Variants in CNDP2 observed in about 807,000 individuals in gnomAD.
CNDP2 encodes the protein carnosine dipeptidase 2.
A neutral mutation model predicts 55.0 loss-of-function variants in CNDP2; 38 were observed. The observed-to-expected ratio is 0.69, with a 90% CI of 0.53 to 0.90. The LOEUF (loss-of-function observed/expected upper bound fraction) is 0.90, where lower values mean the gene tolerates loss of function less well. CNDP2 is among the 40% of genes least tolerant of loss of function. The pLI is 0.00. For synonymous variants in CNDP2, 241 were observed against 260.2 expected (o/e 0.93, Z 0.71); for missense variants, 607 against 621.7 (o/e 0.98, Z 0.25).
chr18:74,513,786 C>T, intron 8 of CNDP2, 67 bp downstream of exon 8: 1 of 1,526,974 alleles, frequency 6.5e-7, no homozygotes, highest in Non-Finnish European at 8.9e-7. Flanking sequence ...CCCCCAGGCC[C>T]TGTCACCTTC....
chr18:74,516,501 G>A (rs1031716195), intron 9 of CNDP2, 109 bp downstream of exon 9: 31 of 1,109,672 alleles, frequency 2.8e-5, no homozygotes, highest in East Asian at 5.3e-5. Flanking sequence ...GCATGCCCCC[G>A]CTTCCTGGCT....
Position 74,510,690 on chromosome 18 carries a change from C to T in CNDP2, c.457-123C>T, listed in dbSNP as rs1008560828. 1.4e-4 allele frequency: 114 copies of T among 816,074 alleles called. 1 individual carries two copies. In the Middle Eastern group the frequency reaches 1.9e-3, roughly 13 times the overall value. 50.6% of individuals were successfully genotyped at this position (816,074 alleles called of 1,614,324 possible). ...TGGGGAGGGGGTGATGACAGGTGCACACGGAGGCCCATGTGGTCTGTCTGG... is the reference window on the plus strand; with the variant it reads ...TGGGGAGGGGGTGATGACAGGTGCATACGGAGGCCCATGTGGTCTGTCTGG... On this transcript the variant is annotated intron_variant, in intron 5 of 11. Coordinates refer to ENST00000324262, the MANE Select transcript of CNDP2 (RefSeq NM_018235.3).
chr18:74,505,792 A>G, intron 3 of CNDP2, 57 bp from the exon 4 acceptor site: 1 of 1,594,682 alleles, frequency 6.3e-7, no homozygotes, highest in Non-Finnish European at 8.6e-7. Flanking sequence ...TCTCCACCTT[A>G]AGCACTGAAT....
At chr18:74,512,174 T>G in intron 6 of CNDP2, 1 of 387,022 alleles carries the variant, frequency 2.6e-6, no homozygotes, top group Non-Finnish European at 4.7e-6. Context: ...GCAAAGGCTT[T>G]GAGTGGTAGG....
intron 11 of CNDP2, 21 bp from the exon 12 acceptor site, chr18:74,519,978 T>A: frequency 6.2e-7 from 1 of 1,607,662 alleles, no homozygotes; most frequent in Non-Finnish European, 8.5e-7. Context: ...GCCAACACAA[T>A]GATGTGTTCC....
intron 3 of CNDP2, 63 bp from the exon 4 acceptor site, chr18:74,505,786 C>T (rs1458032511): frequency 1.3e-6 from 2 of 1,578,888 alleles, no homozygotes; most frequent in East Asian, 2.3e-5. Flanking sequence ...TAATAATCTC[C>T]ACCTTAAGCA....
intron 4 of CNDP2, among the ~76,000 whole-genome samples, chr18:74,506,904 A>C (rs959295866): frequency 8.5e-5 from 13 of 152,154 alleles, no homozygotes; most frequent in African/African-American, 3.1e-4. Context: ...CCAGATGAGG[A>C]ATCCTCCCAC....
intron 4 of CNDP2, 69 bp from the exon 5 acceptor site, chr18:74,508,771 C>T (rs1667905788): frequency 7.8e-7 from 1 of 1,284,028 alleles, no homozygotes; most frequent in Non-Finnish European, 1.1e-6. Context: ...ATCAGATGTG[C>T]ACCTGAGACA....
rs368139454 is a variant in CNDP2, at chr18:74,519,997, A to T, written c.1359-2A>T. 6.2e-7 allele frequency: 1 copy of T among 1,613,646 alleles called. No homozygotes were observed. The highest frequency in any genetic ancestry group is 1.3e-5 in the African/African-American group (1 of 74,898). On this transcript the variant is annotated splice_acceptor_variant, in intron 11 of 11. Transcript: ENST00000324262. LOFTEE classifies it high-confidence loss of function. Reference sequence around the variant, plus strand: ...ACACAATGATGTGTTCCTCTCTACCAGGTATAACTACATAGAGGGAACCAA... The same window carrying T: ...ACACAATGATGTGTTCCTCTCTACCTGGTATAACTACATAGAGGGAACCAA...
chr18:74,518,758 G>A (rs1979873244), intron 10 of CNDP2, 118 bp downstream of exon 10: 1 of 1,471,990 alleles, frequency 6.8e-7, no homozygotes, highest in Non-Finnish European at 9.3e-7. Flanking sequence ...GTGGGGGCGT[G>A]TAGTTAAGTC....
Position 74,499,870 on chromosome 18 carries a change from CT to C in CNDP2, c.-92-9del, listed in dbSNP as rs761217487. 1.0e-6 allele frequency: 1 copy of C among 968,898 alleles called. No homozygotes were observed. The highest frequency in any genetic ancestry group is 1.6e-6 in the Non-Finnish European group (1 of 627,160). The allele number at this position is 968,898 out of a possible 1,614,324, so 60.0% of individuals were successfully genotyped here. The stretch of plus-strand genomic sequence containing the variant: ...AACAATTTACAATTCTGAACACGTG[CT>C]TTCTGGGCAGGTCGCCCCTCAGTCT... On this transcript the variant is annotated splice_polypyrimidine_tract_variant and intron_variant, in intron 1 of 11. Coordinates refer to ENST00000324262, the MANE Select transcript of CNDP2 (RefSeq NM_018235.3).
At chr18:74,507,025 T>TC (rs148733271) in intron 4 of CNDP2, 8,710 of 152,318 alleles carry the variant, frequency 0.057, 347 homozygotes, top group Middle Eastern at 0.12. Flanking sequence ...TCAGTTGTGT[T>TC]CATTACTGTG....
At chr18:74,499,285 C>CT (rs1337045714) in intron 1 of CNDP2, 2 of 152,478 alleles carry the variant, frequency 1.3e-5, no homozygotes, top group East Asian at 3.9e-4. Flanking sequence ...GTTTTCACCT[C>CT]TATCTGTGAG....
At chr18:74,501,619 T>A in intron 3 of CNDP2, 147 bp downstream of exon 3, 1 of 1,058,936 alleles carries the variant, frequency 9.4e-7, no homozygotes, top group Non-Finnish European at 1.3e-6. Context: ...ATTTGGATGG[T>A]AAGTTCTGTA....
chr18:74,508,102 A>T (rs1332914316), intron 4 of CNDP2: 1 of 152,244 alleles, frequency 6.6e-6, no homozygotes, highest in East Asian at 1.9e-4. Flanking sequence ...GAGACTGGCC[A>T]CGCAGACCCA....
rs774788752 is a variant in CNDP2 at position 74,518,452 on chromosome 18, T to C, written c.1069-47T>C. The C allele has an allele frequency of 2.5e-6, 4 of 1,609,630 alleles. No individual in the cohort carries two copies. In the South Asian group the frequency reaches 3.3e-5, roughly 13 times the overall value. On this transcript the variant is annotated intron_variant, in intron 9 of 11. Transcript: ENST00000324262. ...CGTAGGTCACTAGCACTGGATCAAA[T>C]GCAAGCTTATAAAGCATTGTATACC...
rs753289114 is a variant in CNDP2, at chr18:74,520,075, C to T, written c.*7C>T. On this transcript the variant is annotated 3_prime_UTR_variant, in exon 12 of 12. Transcript: ENST00000324262. ...CTCCCAGCTGAAGGACTAGGCCAAG[C>T]CCTCTGTGTGCCATCTCCAATGAGA... 5.6e-5 allele frequency: 91 copies of T among 1,613,968 alleles called. No homozygotes were observed. The highest frequency in any genetic ancestry group is 7.5e-5 in the Non-Finnish European group (88 of 1,179,860).
chr18:74,505,930 A>G lies in CNDP2; in HGVS notation c.286A>G (p.Ile96Val), dbSNP rs1393458505. ...CGACCCACAGAAGAAGACCGTGTGCATTTACGGGCACCTGGATGTGCAGCC... is the reference window on the plus strand; with the variant it reads ...CGACCCACAGAAGAAGACCGTGTGCGTTTACGGGCACCTGGATGTGCAGCC... ...GSDPQKKTVC[I>V]YGHLDVQPAA... Residue 96 changes from isoleucine (I) to valine (V), a missense_variant, in exon 4 of 12, where the codon ATT (isoleucine) becomes GTT (valine). By Grantham distance (29) the Ile-to-Val change is conservative. Coordinates refer to ENST00000324262, the MANE Select transcript of CNDP2 (RefSeq NM_018235.3). 6 of 1,612,302 alleles carry G rather than the reference A, an allele frequency of 3.7e-6. No individual in the cohort carries two copies. In the Admixed American group the frequency reaches 6.7e-5, roughly 18 times the overall value.
intron 2 of CNDP2, 163 bp from the exon 3 acceptor site, chr18:74,501,166 C>T: frequency 2.2e-6 from 3 of 1,359,298 alleles, no homozygotes; most frequent in Non-Finnish European, 2.8e-6. Flanking sequence ...TTTTTAAAAT[C>T]TTTAACCCAA....
Sources: gnomAD v4.1 joint callset for allele counts (sites outside exome capture counted in the v4.1 genomes callset) on GRCh38, gnomAD v4.1.1 for gene constraint, MANE v1.5 for transcripts, NCBI Gene and HGNC (gene_info 2026-07-23, HGNC 2026-07-21) for gene names.